The following POU2AF2 variants were observed in gnomAD, a reference collection of about 807,000 sequenced individuals.
The protein encoded by POU2AF2 is POU domain class 2-associating factor 2.
chr11:111,252,269 G>C, the POU2AF2 span, among the ~76,000 whole-genome samples: 6 of 152,026 alleles, frequency 3.9e-5, no homozygotes, highest in Non-Finnish European at 7.4e-5. Context: ...CCTTCTAAAG[G>C]CCTTACTCAT....
the POU2AF2 span, among the ~76,000 whole-genome samples, chr11:111,256,294 C>A: frequency 6.6e-6 from 1 of 152,232 alleles, no homozygotes; most frequent in Non-Finnish European, 1.5e-5. Flanking sequence ...AACTTACACT[C>A]CCTCTACTTC....
the POU2AF2 span, among the ~76,000 whole-genome samples, chr11:111,283,030 C>T: frequency 2.6e-5 from 4 of 151,712 alleles, no homozygotes; most frequent in Non-Finnish European, 4.4e-5. Flanking sequence ...TTCTGTCCCT[C>T]CCTCTCTCCA....
chr11:111,269,372 T>C, the POU2AF2 span, among the ~76,000 whole-genome samples: 2 of 152,162 alleles, frequency 1.3e-5, no homozygotes, highest in East Asian at 3.8e-4. Flanking sequence ...CTGCCCTGTT[T>C]AGAGATCTGA....
the POU2AF2 span, among the ~76,000 whole-genome samples, chr11:111,259,408 C>A: frequency 6.6e-6 from 1 of 151,676 alleles, no homozygotes; most frequent in African/African-American, 2.4e-5. Flanking sequence ...CTCTGCCTCC[C>A]GGGCTCAAGC....
chr11:111,268,770 A>G, the POU2AF2 span, among the ~76,000 whole-genome samples: 1 of 149,832 alleles, frequency 6.7e-6, no homozygotes, highest in African/African-American at 2.5e-5. Context: ...CCGGTCTTGA[A>G]CTCCTGACCT....
chr11:111,284,246 T>G, the POU2AF2 span: 7 of 1,614,210 alleles, frequency 4.3e-6, no homozygotes, highest in Non-Finnish European at 5.9e-6. Flanking sequence ...GGAGCCCTAC[T>G]TCCCCCAGGA....
At chr11:111,275,539 G>A in the POU2AF2 span, among the ~76,000 whole-genome samples, 1 of 152,110 alleles carries the variant, frequency 6.6e-6, no homozygotes, top group Non-Finnish European at 1.5e-5. Context: ...GCTCCCCATA[G>A]ATAGAAACAT....
the POU2AF2 span, among the ~76,000 whole-genome samples, chr11:111,254,257 A>C: frequency 2.6e-5 from 4 of 152,378 alleles, no homozygotes; most frequent in East Asian, 7.7e-4. Context: ...ATTTCAAAGA[A>C]GTATTTCAAG....
chr11:111,248,851 T>C, the POU2AF2 span, among the ~76,000 whole-genome samples: 1 of 152,250 alleles, frequency 6.6e-6, no homozygotes. Context: ...AAAAATCACC[T>C]GTATTTTAAA....
At chr11:111,271,521 G>A in the POU2AF2 span, among the ~76,000 whole-genome samples, 1,447 of 151,878 alleles carry the variant, frequency 9.5e-3, 19 homozygotes, top group African/African-American at 0.033. Flanking sequence ...TTCTGGGCTC[G>A]GGAGATCTTC....
At chr11:111,264,190 AG>A in the POU2AF2 span, among the ~76,000 whole-genome samples, 1 of 151,970 alleles carries the variant, frequency 6.6e-6, no homozygotes, top group East Asian at 1.9e-4. Context: ...AGCATGAAGC[AG>A]GTAGGTAGAA....
chr11:111,280,057 A>AAAAAAAAAAAAATAT, the POU2AF2 span, among the ~76,000 whole-genome samples: 2 of 76,472 alleles, frequency 2.6e-5, no homozygotes, highest in African/African-American at 5.0e-5. Context: ...AAAAAAAAAA[A>AAAAAAAAAAAAATAT]ATATATATAT....
the POU2AF2 span, among the ~76,000 whole-genome samples, chr11:111,280,057 A>AAAAAAAATATATATATATATAT: frequency 1.3e-5 from 1 of 76,498 alleles, no homozygotes; most frequent in African/African-American, 5.0e-5. Flanking sequence ...AAAAAAAAAA[A>AAAAAAAATATATATATATATAT]ATATATATAT....
At chr11:111,251,346 G>A in the POU2AF2 span, among the ~76,000 whole-genome samples, 1 of 152,162 alleles carries the variant, frequency 6.6e-6, no homozygotes, top group Non-Finnish European at 1.5e-5. Context: ...GCCATCAACT[G>A]AGATAGGAAA....
the POU2AF2 span, among the ~76,000 whole-genome samples, chr11:111,249,550 AC>A: frequency 6.6e-5 from 10 of 151,956 alleles, no homozygotes; most frequent in Non-Finnish European, 1.5e-4. Context: ...CTCCCATGAA[AC>A]CCCAGAGAAA....
At chr11:111,285,694 G>A in the POU2AF2 span, 1 of 1,613,592 alleles carries the variant, frequency 6.2e-7, no homozygotes, top group Non-Finnish European at 8.5e-7. Flanking sequence ...GTCTCAGCCA[G>A]CCTGACCCTG....
chr11:111,268,425 G>A, the POU2AF2 span, among the ~76,000 whole-genome samples: 545 of 150,760 alleles, frequency 3.6e-3, 6 homozygotes, highest in Middle Eastern at 0.01. Flanking sequence ...CACAGCAAAT[G>A]GGCATCAGGT....
chr11:111,269,313 C>T, the POU2AF2 span, among the ~76,000 whole-genome samples: 2 of 152,170 alleles, frequency 1.3e-5, no homozygotes, highest in African/African-American at 2.4e-5. Context: ...GAATGCTTTA[C>T]TAAGCCTTTC....
chr11:111,253,779 T>A, the POU2AF2 span, among the ~76,000 whole-genome samples: 3,412 of 152,296 alleles, frequency 0.022, 175 homozygotes, highest in East Asian at 0.2. Context: ...AACATCATGA[T>A]TGACCCCTAC....
Sources: allele counts gnomAD v4.1 joint callset (sites outside exome capture counted in the v4.1 genomes callset), GRCh38; gene constraint gnomAD v4.1.1; transcripts MANE v1.5; gene names NCBI Gene and HGNC (gene_info 2026-07-23, HGNC 2026-07-21).